Variants in CARMIL1 observed in about 807,000 individuals in gnomAD.
CARMIL1 encodes capping protein regulator and myosin 1 linker 1.
In CARMIL1, 90 loss-of-function variants were observed where a neutral mutation model predicts 177.1. The ratio of observed to expected loss-of-function variants is 0.51; its 90% CI spans 0.43 to 0.61. The LOEUF (loss-of-function observed/expected upper bound fraction) is 0.61, where lower values mean the gene tolerates loss of function less well. Ranked by LOEUF, CARMIL1 falls within the 20% of genes least tolerant of loss-of-function variation. The pLI, the probability that CARMIL1 is intolerant of heterozygous loss-of-function variation, is 0.00. For missense variants in CARMIL1, 1,380 were observed against 1,667.0 expected (o/e 0.83, Z 3.00); for synonymous variants, 577 against 606.2 (o/e 0.95, Z 0.71).
At chr6:25,483,764 A>C (rs1424153404) in intron 12 of CARMIL1, among the ~76,000 whole-genome samples, 1 of 151,334 alleles carries the variant, frequency 6.6e-6, no homozygotes, top group African/African-American at 2.4e-5. Context: ...GGATTTTTAA[A>C]TTTTATTTAT....
At chr6:25,504,654 A>T (rs1224074006) in intron 17 of CARMIL1, among the ~76,000 whole-genome samples, 2 of 152,248 alleles carry the variant, frequency 1.3e-5, no homozygotes, top group African/African-American at 4.8e-5. Context: ...ACTTACAGGA[A>T]AAAACTTCGG....
intron 2 of CARMIL1, among the ~76,000 whole-genome samples, chr6:25,347,277 G>A (rs1021902047): frequency 5.3e-5 from 8 of 152,150 alleles, no homozygotes; most frequent in African/African-American, 1.9e-4. Flanking sequence ...TAGGCAAAAA[G>A]CAATTGAATG....
At chr6:25,353,919 G>T (rs1022239720) in intron 2 of CARMIL1, among the ~76,000 whole-genome samples, 2 of 152,090 alleles carry the variant, frequency 1.3e-5, no homozygotes, top group African/African-American at 4.8e-5. Flanking sequence ...GCCCTGCAGG[G>T]GACATTTGGC....
At chr6:25,393,737 G>A (rs1261838062) in intron 2 of CARMIL1, among the ~76,000 whole-genome samples, 1 of 147,394 alleles carries the variant, frequency 6.8e-6, no homozygotes, top group Non-Finnish European at 1.5e-5. Flanking sequence ...ATTAGCTGTA[G>A]TCCTAGCTAC....
intron 22 of CARMIL1, among the ~76,000 whole-genome samples, chr6:25,517,772 A>G (rs1226514114): frequency 6.6e-6 from 1 of 152,080 alleles, no homozygotes; most frequent in Non-Finnish European, 1.5e-5. Flanking sequence ...TCTTTTTCCT[A>G]TTGTGACACC....
intron 2 of CARMIL1, among the ~76,000 whole-genome samples, chr6:25,344,510 A>G (rs987689754): frequency 6.6e-6 from 1 of 152,120 alleles, no homozygotes; most frequent in Non-Finnish European, 1.5e-5. Context: ...GGAGAATACC[A>G]CAGCACCATA....
chr6:25,449,389 G>C (rs1798564741), intron 5 of CARMIL1, among the ~76,000 whole-genome samples: 2 of 152,116 alleles, frequency 1.3e-5, no homozygotes, highest in African/African-American at 4.8e-5. Flanking sequence ...GGAGGAGGAT[G>C]GGGGGTTGGG....
chr6:25,368,588 C>A (rs1790077748), intron 2 of CARMIL1, among the ~76,000 whole-genome samples: 1 of 152,092 alleles, frequency 6.6e-6, no homozygotes, highest in Non-Finnish European at 1.5e-5. Context: ...TCATAGAACC[C>A]CAGATGATTA....
intron 20 of CARMIL1, among the ~76,000 whole-genome samples, chr6:25,513,855 A>G (rs769123146): frequency 1.3e-5 from 2 of 152,154 alleles, no homozygotes; most frequent in Admixed American, 6.5e-5. Context: ...CAATAACCAT[A>G]TAATTTGTTT....
intron 2 of CARMIL1, among the ~76,000 whole-genome samples, chr6:25,349,413 C>T (rs763455996): frequency 3.3e-5 from 5 of 152,228 alleles, no homozygotes; most frequent in Non-Finnish European, 5.9e-5. Context: ...ACATTATTCA[C>T]GGACCTGCTG....
intron 5 of CARMIL1, 83 bp downstream of exon 5, chr6:25,435,687 C>A: frequency 7.8e-6 from 11 of 1,408,096 alleles, no homozygotes; most frequent in Non-Finnish European, 1.0e-5. Context: ...TTCTTTTTAC[C>A]CCTTCACTTA....
intron 29 of CARMIL1, among the ~76,000 whole-genome samples, chr6:25,557,440 C>A (rs1810726458): frequency 6.6e-6 from 1 of 152,108 alleles, no homozygotes; most frequent in African/African-American, 2.4e-5. Context: ...GTTGTTAATA[C>A]CTTTTCACTC....
chr6:25,458,842 G>T (rs1041807980), intron 8 of CARMIL1, among the ~76,000 whole-genome samples: 52 of 152,114 alleles, frequency 3.4e-4, no homozygotes, highest in African/African-American at 1.2e-3. Flanking sequence ...CTCTTCTGGG[G>T]TAATTATGAA....
Position 25,563,193 on chromosome 6 carries a change from C to G in CARMIL1, c.2742+6343C>G, listed in dbSNP as rs558031669. ...TTCTCTAAACTCAGTCTTACTTTTCCTCCCTTAGAAACCTCATGCTTTTCA... is the reference window on the plus strand; with the variant it reads ...TTCTCTAAACTCAGTCTTACTTTTCGTCCCTTAGAAACCTCATGCTTTTCA... On this transcript the variant is annotated intron_variant, in intron 29 of 36. Transcript: ENST00000329474. 19 of 984,374 alleles carry G rather than the reference C, an allele frequency of 1.9e-5. 1 individual carries two copies. The African/African-American group carries it at 3.1e-4, about 16-fold the overall frequency. 61.0% of individuals were successfully genotyped at this position (984,374 alleles called of 1,614,324 possible).
intron 2 of CARMIL1, among the ~76,000 whole-genome samples, chr6:25,407,444 G>C (rs879867087): frequency 6.6e-6 from 1 of 152,070 alleles, no homozygotes. Flanking sequence ...AAGAGGAGGG[G>C]GTGGGTACAG....
chr6:25,330,893 T>G (rs1422499295), intron 2 of CARMIL1, among the ~76,000 whole-genome samples: 3 of 113,920 alleles, frequency 2.6e-5, no homozygotes, highest in Non-Finnish European at 5.7e-5. Context: ...AAGAGGTTTT[T>G]TTTTTTTTTT....
chr6:25,592,260 C>T (rs1050681345), intron 31 of CARMIL1, among the ~76,000 whole-genome samples: 3 of 152,014 alleles, frequency 2.0e-5, no homozygotes, highest in Non-Finnish European at 4.4e-5. Flanking sequence ...AAAGGGTAGA[C>T]ATAAGGGTGA....
chr6:25,440,715 CAAAAT>C (rs111374444), intron 5 of CARMIL1, among the ~76,000 whole-genome samples: 1,604 of 152,144 alleles, frequency 0.011, 29 homozygotes, highest in African/African-American at 0.035. Flanking sequence ...ATAGAACATG[CAAAAT>C]AAAATATGTT....
Position 25,528,790 on chromosome 6 carries a change from TC to T in CARMIL1, c.1969-3del, listed in dbSNP as rs1280130999. ...TCTTGAGGGATGCCTGTGCTTTATT[TC>T]CAGATAGAAAACTACCTGCTACGAA... On this transcript the variant is annotated splice_polypyrimidine_tract_variant and splice_region_variant and intron_variant, in intron 23 of 36. Transcript: ENST00000329474. 36 of 1,589,162 alleles carry T rather than the reference TC, an allele frequency of 2.3e-5. No homozygotes were observed. The Middle Eastern group carries it at 5.0e-4, about 22-fold the overall frequency.
Sources: gnomAD v4.1 joint callset for allele counts (sites outside exome capture counted in the v4.1 genomes callset) on GRCh38, gnomAD v4.1.1 for gene constraint, MANE v1.5 for transcripts, NCBI Gene and HGNC (gene_info 2026-07-23, HGNC 2026-07-21) for gene names.